The following MPPED2 variants were observed in gnomAD, a reference collection of about 807,000 sequenced individuals.
MPPED2 encodes metallophosphoesterase MPPED2.
MPPED2 carries 5 observed loss-of-function variants against 33.0 expected under a neutral mutation model. The observed-to-expected ratio is 0.15, with a 90% CI of 0.08 to 0.32. The LOEUF is 0.32. Ranked by LOEUF, MPPED2 falls within the 10% of genes least tolerant of loss-of-function variation. MPPED2 has a pLI of 1.00. For synonymous variants in MPPED2, 136 were observed against 141.9 expected (o/e 0.96, Z 0.29); for missense variants, 275 against 372.1 (o/e 0.74, Z 2.15).
At chr11:30,538,773 G>C (rs1482564076) in intron 2 of MPPED2, among the ~76,000 whole-genome samples, 1 of 152,136 alleles carries the variant, frequency 6.6e-6, no homozygotes, top group Non-Finnish European at 1.5e-5. Context: ...GAAATAATGT[G>C]TAGACACTAG....
downstream of MPPED2, among the ~76,000 whole-genome samples, chr11:30,407,858 G>A (rs187423713): frequency 1.3e-5 from 2 of 152,020 alleles, no homozygotes; most frequent in South Asian, 2.1e-4. Flanking sequence ...GTGGCAAAGC[G>A]AGACTCTGTC....
At chr11:30,390,081 A>G (rs589725) in intron 6 of MPPED2, among the ~76,000 whole-genome samples, 101,274 of 152,114 alleles carry the variant, frequency 0.67, 34,351 homozygotes, top group Non-Finnish European at 0.74. Flanking sequence ...GCATCTAACT[A>G]GCATTTCTTA....
rs182856794 is a variant in MPPED2 at position 30,454,124 on chromosome 11, C to A, written c.537-36491G>T. 2.6e-5 allele frequency among the ~76,000 whole-genome samples: 4 copies of A among 152,296 alleles called. No homozygotes were observed. In the East Asian group the frequency reaches 7.7e-4, roughly 29 times the overall value. ...GCTTCTTTTTACCTTGGCAAGGAGA[C>A]TATTGTTGCTTGAAAACAAAAGGAA... is the stretch of plus-strand genomic sequence containing the variant. On this transcript the variant is annotated intron_variant, in intron 4 of 6. Coordinates refer to ENST00000358117, the MANE Select transcript of MPPED2 (RefSeq NM_001584.3).
At chr11:30,440,790 G>A (rs1323887614) in intron 4 of MPPED2, among the ~76,000 whole-genome samples, 1 of 152,300 alleles carries the variant, frequency 6.6e-6, no homozygotes, top group East Asian at 1.9e-4. Context: ...TCTGCATGAG[G>A]CATGACTGCT....
chr11:30,387,480 G>A (rs1363686434), exon 7 of MPPED2: 1 of 152,254 alleles, frequency 6.6e-6, no homozygotes, highest in African/African-American at 2.4e-5. Flanking sequence ...TGTCAGGGAG[G>A]GATAGGAAAC....
chr11:30,399,867 A>G (rs548728397), intron 6 of MPPED2, among the ~76,000 whole-genome samples: 1 of 152,320 alleles, frequency 6.6e-6, no homozygotes, highest in South Asian at 2.1e-4. Flanking sequence ...GTTTGTATCC[A>G]TATATACTTT....
intron 2 of MPPED2, 132 bp downstream of exon 2, chr11:30,580,114 A>T: frequency 1.1e-6 from 1 of 891,672 alleles, no homozygotes; most frequent in Non-Finnish European, 1.7e-6. Context: ...ATTTGAAACC[A>T]CAGATATCCA....
At chr11:30,545,785 T>C (rs542671602) in intron 2 of MPPED2, among the ~76,000 whole-genome samples, 1 of 152,306 alleles carries the variant, frequency 6.6e-6, no homozygotes, top group East Asian at 1.9e-4. Context: ...AATCTCCTCT[T>C]ACACAAAACA....
At chr11:30,574,608 T>C (rs1292071905) in intron 2 of MPPED2, among the ~76,000 whole-genome samples, 1 of 152,150 alleles carries the variant, frequency 6.6e-6, no homozygotes, top group Non-Finnish European at 1.5e-5. Context: ...ACTGAACCAA[T>C]GAACAGCCTT....
chr11:30,406,146 G>A (rs185652811), downstream of MPPED2, among the ~76,000 whole-genome samples: 1 of 152,280 alleles, frequency 6.6e-6, no homozygotes, highest in East Asian at 1.9e-4. Flanking sequence ...TGAAGAAAAG[G>A]AAAATGAATC....
intron 3 of MPPED2, among the ~76,000 whole-genome samples, chr11:30,519,995 TTATAGTTA>T (rs1953764700): frequency 6.6e-6 from 1 of 152,178 alleles, no homozygotes; most frequent in Non-Finnish European, 1.5e-5. Flanking sequence ...GTTGTATATT[TTATAGTTA>T]GATGTCTGCC....
intron 3 of MPPED2, among the ~76,000 whole-genome samples, chr11:30,517,689 C>T (rs958263064): frequency 1.3e-5 from 2 of 151,754 alleles, no homozygotes; most frequent in Non-Finnish European, 2.9e-5. Flanking sequence ...AAGAGCTTGT[C>T]CTGTAAGCAC....
At chr11:30,576,303 G>A (rs944665139) in intron 2 of MPPED2, among the ~76,000 whole-genome samples, 5 of 152,160 alleles carry the variant, frequency 3.3e-5, no homozygotes, top group African/African-American at 1.2e-4. Flanking sequence ...TGACCACTAT[G>A]CTAACCTGCC....
intron 6 of MPPED2, among the ~76,000 whole-genome samples, chr11:30,401,953 T>C (rs1947915371): frequency 6.6e-6 from 1 of 151,844 alleles, no homozygotes; most frequent in Non-Finnish European, 1.5e-5. Flanking sequence ...TGCCTCGGCC[T>C]CCCAAAGTGC....
intron 3 of MPPED2, among the ~76,000 whole-genome samples, chr11:30,522,510 A>T (rs1203193961): frequency 6.6e-6 from 1 of 152,170 alleles, no homozygotes; most frequent in Non-Finnish European, 1.5e-5. Flanking sequence ...TCATTGTATT[A>T]TTCTTGCAAC....
At chr11:30,401,460 A>T (rs1385238934) in intron 6 of MPPED2, among the ~76,000 whole-genome samples, 3 of 152,224 alleles carry the variant, frequency 2.0e-5, no homozygotes. Flanking sequence ...TTTAAGTGCA[A>T]GTCACTGGAC....
At chr11:30,485,155 C>T (rs1395619660) in intron 4 of MPPED2, among the ~76,000 whole-genome samples, 1 of 152,142 alleles carries the variant, frequency 6.6e-6, no homozygotes, top group Non-Finnish European at 1.5e-5. Flanking sequence ...GCTTTGGAAG[C>T]AAACCGATTT....
chr11:30,432,715 A>C (rs1253726854), intron 4 of MPPED2, among the ~76,000 whole-genome samples: 1 of 152,220 alleles, frequency 6.6e-6, no homozygotes, highest in Non-Finnish European at 1.5e-5. Context: ...TTATTTGAAG[A>C]GTAAAATAAA....
chr11:30,510,942 C>T (rs1953141968), intron 3 of MPPED2, among the ~76,000 whole-genome samples: 1 of 152,196 alleles, frequency 6.6e-6, no homozygotes. Context: ...CTTTTTAACT[C>T]TGTCATGTGG....
Sources: gnomAD v4.1 joint callset for allele counts (sites outside exome capture counted in the v4.1 genomes callset) on GRCh38, gnomAD v4.1.1 for gene constraint, MANE v1.5 for transcripts, NCBI Gene and HGNC (gene_info 2026-07-23, HGNC 2026-07-21) for gene names.